Variants in LRIF1 observed in about 807,000 individuals in gnomAD.
The protein encoded by LRIF1 is ligand dependent nuclear receptor interacting factor 1, also known as ligand-dependent nuclear receptor-interacting factor 1.
LRIF1 carries 32 observed loss-of-function variants against 52.7 expected under a neutral mutation model. The ratio of observed to expected loss-of-function variants is 0.61; its 90% CI spans 0.46 to 0.82. The LOEUF is 0.82. Among genes scored for constraint, LRIF1 ranks in the 40% least tolerant of loss-of-function variants. The probability of loss-of-function intolerance (pLI) is 0.00; values close to 1 mark genes in which losing one functional copy is unlikely to be tolerated. For synonymous variants in LRIF1, 323 were observed against 317.4 expected, an observed-to-expected ratio of 1.02 and a Z score of -0.19; for missense variants, 887 against 892.0, an observed-to-expected ratio of 0.99 and a Z score of 0.07.
the LRIF1 span, among the ~76,000 whole-genome samples, chr1:110,879,792 T>A: frequency 6.6e-6 from 1 of 152,100 alleles, no homozygotes; most frequent in Non-Finnish European, 1.5e-5. Context: ...GGTCTTAAAC[T>A]CCTAGGCTCA....
the LRIF1 span, among the ~76,000 whole-genome samples, chr1:110,923,429 CA>C: frequency 8.6e-5 from 13 of 151,898 alleles, no homozygotes; most frequent in African/African-American, 3.1e-4. Context: ...ATTAGTCTAC[CA>C]AATAAATGAA....
At chr1:110,915,826 AAAT>A in the LRIF1 span, among the ~76,000 whole-genome samples, 1 of 152,236 alleles carries the variant, frequency 6.6e-6, no homozygotes, top group Non-Finnish European at 1.5e-5. Context: ...AAAATTTAAA[AAAT>A]AATAAAAGCT....
At chr1:110,959,723 C>T (rs1049915394) in intron 1 of LRIF1, among the ~76,000 whole-genome samples, 4 of 122,490 alleles carry the variant, frequency 3.3e-5, no homozygotes, top group African/African-American at 9.6e-5. Flanking sequence ...GGCGACAGAG[C>T]GAGACTCCAT....
chr1:110,875,023 T>C, the LRIF1 span, among the ~76,000 whole-genome samples: 8 of 152,232 alleles, frequency 5.3e-5, no homozygotes, highest in African/African-American at 1.9e-4. Context: ...TGCAATGTGC[T>C]CTTTTCTATA....
At chr1:110,958,223 T>C (rs1658791319) in intron 1 of LRIF1, among the ~76,000 whole-genome samples, 1 of 152,248 alleles carries the variant, frequency 6.6e-6, no homozygotes, top group Non-Finnish European at 1.5e-5. Flanking sequence ...AGAGATCTCT[T>C]TGCTATTCTG....
At chr1:110,943,240 T>C (rs1658130858), downstream of LRIF1, among the ~76,000 whole-genome samples, 1 of 152,158 alleles carries the variant, frequency 6.6e-6, no homozygotes, top group Non-Finnish European at 1.5e-5. Context: ...AGAATGCTCT[T>C]GCAGAAAAGA....
intron 1 of LRIF1, 148 bp downstream of exon 1, chr1:110,963,473 C>G (rs1659052239): frequency 1.7e-6 from 1 of 577,870 alleles, no homozygotes; most frequent in Non-Finnish European, 3.0e-6. Flanking sequence ...CTTTAAGCGC[C>G]GCGGAGACAA....
chr1:110,937,764 A>G, the LRIF1 span: 1 of 152,114 alleles, frequency 6.6e-6, no homozygotes, highest in African/African-American at 2.4e-5. Flanking sequence ...AAAATACAAA[A>G]GATCAATGAA....
the LRIF1 span, among the ~76,000 whole-genome samples, chr1:110,906,329 G>A: frequency 6.6e-6 from 1 of 152,124 alleles, no homozygotes; most frequent in South Asian, 2.1e-4. Flanking sequence ...AGGATTGCTT[G>A]AGGCCAGGCA....
rs758106840 is a variant in LRIF1 at position 110,952,832 on chromosome 1, G to A, written c.69-17C>T. The A allele has an allele frequency of 2.7e-6, 4 of 1,505,108 alleles. No individual in the cohort carries two copies. In the African/African-American group the frequency reaches 5.6e-5, roughly 21 times the overall value. 93.2% of individuals were successfully genotyped at this position (1,505,108 alleles called of 1,614,324 possible). On this transcript the variant is annotated splice_polypyrimidine_tract_variant and intron_variant, in intron 1 of 3. Coordinates refer to ENST00000369763, the MANE Select transcript of LRIF1 (RefSeq NM_018372.4). ...CCTGAAACACTTAAAAGAACATTGA[G>A]TAAATAAATACAACATACTACATGG...
chr1:110,929,923 T>C, the LRIF1 span, among the ~76,000 whole-genome samples: 1 of 152,190 alleles, frequency 6.6e-6, no homozygotes, highest in African/African-American at 2.4e-5. Context: ...TCTCAGCACC[T>C]GGGTGACGAA....
intron 2 of LRIF1, among the ~76,000 whole-genome samples, chr1:110,950,780 T>C (rs1162489226): frequency 6.6e-6 from 1 of 151,798 alleles, no homozygotes; most frequent in Non-Finnish European, 1.5e-5. Context: ...TTCCACAAAT[T>C]ACTGAAAGGT....
At chr1:110,909,753 G>A in the LRIF1 span, among the ~76,000 whole-genome samples, 2,264 of 151,844 alleles carry the variant, frequency 0.015, 45 homozygotes, top group African/African-American at 0.05. Context: ...GCTAATTTTT[G>A]TATTTTTAAT....
the LRIF1 span, among the ~76,000 whole-genome samples, chr1:110,923,710 A>G: frequency 1.3e-5 from 2 of 152,194 alleles, no homozygotes; most frequent in Non-Finnish European, 2.9e-5. Context: ...ATTTTTCAGA[A>G]CAGATAAAAT....
chr1:110,893,145 G>A, the LRIF1 span, among the ~76,000 whole-genome samples: 1 of 152,340 alleles, frequency 6.6e-6, no homozygotes, highest in East Asian at 1.9e-4. Flanking sequence ...CACAGTGCCT[G>A]TAGAGCACTG....
chr1:110,886,869 A>ATATATATATATATATATATATTTT, the LRIF1 span, among the ~76,000 whole-genome samples: 3 of 82,786 alleles, frequency 3.6e-5, no homozygotes, highest in African/African-American at 1.1e-4. Context: ...ATATATATAT[A>ATATATATATATATATATATATTTT]TTTTTTTTTT....
At chr1:110,877,661 C>T in the LRIF1 span, among the ~76,000 whole-genome samples, 2 of 152,130 alleles carry the variant, frequency 1.3e-5, no homozygotes, top group East Asian at 3.8e-4. Flanking sequence ...CTATAAATCG[C>T]CAAATCCTCT....
At chr1:110,933,252 C>G in the LRIF1 span, among the ~76,000 whole-genome samples, 2 of 152,122 alleles carry the variant, frequency 1.3e-5, no homozygotes, top group Non-Finnish European at 2.9e-5. Context: ...TGTTTAGAAG[C>G]CAAGATCTTG....
chr1:110,896,005 AC>A, the LRIF1 span, among the ~76,000 whole-genome samples: 3 of 152,204 alleles, frequency 2.0e-5, no homozygotes, highest in African/African-American at 7.2e-5. Context: ...ATTTTAATTG[AC>A]TTGTTCAAAT....
Sources: gnomAD v4.1 joint callset for allele counts (sites outside exome capture counted in the v4.1 genomes callset) on GRCh38, gnomAD v4.1.1 for gene constraint, MANE v1.5 for transcripts, NCBI Gene and HGNC (gene_info 2026-07-23, HGNC 2026-07-21) for gene names.